TAS2R1: variants seen among roughly 807,000 people sequenced by gnomAD.
TAS2R1 encodes taste 2 receptor member 1, also known as taste receptor type 2 member 1.
For synonymous variants in TAS2R1, 141 were observed against 134.2 expected (o/e 1.05, Z -0.35); for missense variants, 370 against 353.4 (o/e 1.05, Z -0.38).
upstream of TAS2R1, chr5:9,630,430 G>A (rs1739853260): frequency 5.8e-6 from 1 of 172,288 alleles, no homozygotes; most frequent in African/African-American, 2.4e-5. Context: ...CTACAGGTGT[G>A]ATTCTACTTA....
chr5:9,900,707 G>A, the TAS2R1 span, among the ~76,000 whole-genome samples: 322 of 144,154 alleles, frequency 2.2e-3, 7 homozygotes, highest in East Asian at 0.064. Context: ...TGCAAGCTCC[G>A]CGTCCCGGGT....
chr5:9,771,318 C>G, the TAS2R1 span, among the ~76,000 whole-genome samples: 1 of 152,066 alleles, frequency 6.6e-6, no homozygotes, highest in Non-Finnish European at 1.5e-5. Context: ...ATGTATCACA[C>G]TGATTGATTT....
Position 9,629,484 on chromosome 5 carries a change from G to C in TAS2R1, c.549C>G (p.Phe183Leu). 5 of 1,614,204 alleles carry C rather than the reference G, an allele frequency of 3.1e-6. No individual in the cohort carries two copies. Among genetic ancestry groups the C allele is most frequent in the Non-Finnish European group, 4.2e-6 (5 of 1,180,036 alleles). Residue 183 changes from phenylalanine to leucine, a missense_variant, in exon 1 of 1, where the codon TTC becomes TTG. By Grantham distance (22) the Phe-to-Leu change is conservative. Transcript: ENST00000382492. The part of the protein sequence containing the change: ...AIQIFSFVAE[F>L]SVPLLIFLFA... ...AAAGGAAGATAAGCAATGGCACTGA[G>C]AACTCAGCAACAAAAGAGAAAATCT...
chr5:9,782,854 G>T, the TAS2R1 span, among the ~76,000 whole-genome samples: 1 of 152,094 alleles, frequency 6.6e-6, no homozygotes, highest in African/African-American at 2.4e-5. Flanking sequence ...AAAACCAATG[G>T]AGCAAAAGGA....
chr5:9,895,809 G>A, the TAS2R1 span, among the ~76,000 whole-genome samples: 2 of 152,142 alleles, frequency 1.3e-5, no homozygotes, highest in East Asian at 3.9e-4. Context: ...AATTCTAGAG[G>A]CATCAGTTGC....
chr5:9,890,025 C>G, the TAS2R1 span: 1 of 152,134 alleles, frequency 6.6e-6, no homozygotes, highest in Non-Finnish European at 1.5e-5. Flanking sequence ...AGATATAAAT[C>G]TACAAGACAA....
At chr5:9,692,417 C>T (rs1741263706) in intron 1 of TAS2R1, among the ~76,000 whole-genome samples, 1 of 152,208 alleles carries the variant, frequency 6.6e-6, no homozygotes, top group Non-Finnish European at 1.5e-5. Context: ...CACAGACGCT[C>T]CCCCAACAAA....
intron 1 of TAS2R1, among the ~76,000 whole-genome samples, chr5:9,696,868 C>T (rs548889167): frequency 6.6e-6 from 1 of 151,962 alleles, no homozygotes; most frequent in African/African-American, 2.4e-5. Flanking sequence ...ACAAAATTAG[C>T]CAGCCGTGGT....
upstream of TAS2R1, among the ~76,000 whole-genome samples, chr5:9,635,206 T>C (rs1416447951): frequency 6.6e-6 from 1 of 152,132 alleles, no homozygotes. Flanking sequence ...GAGATGATCA[T>C]ATGATTTTTG....
At chr5:9,851,522 T>G in the TAS2R1 span, among the ~76,000 whole-genome samples, 1 of 151,960 alleles carries the variant, frequency 6.6e-6, no homozygotes, top group East Asian at 1.9e-4. Flanking sequence ...GGATTTGTTT[T>G]TTTTTTTTTT....
the TAS2R1 span, among the ~76,000 whole-genome samples, chr5:9,746,957 C>T: frequency 6.6e-6 from 1 of 151,930 alleles, no homozygotes; most frequent in Non-Finnish European, 1.5e-5. Context: ...AAAGAAAACA[C>T]CCAGGGTAAG....
chr5:9,806,247 C>A, the TAS2R1 span, among the ~76,000 whole-genome samples: 1 of 151,890 alleles, frequency 6.6e-6, no homozygotes, highest in African/African-American at 2.4e-5. Context: ...TGAAAGAAAT[C>A]GTAGATAACA....
chr5:9,894,070 C>T, the TAS2R1 span, among the ~76,000 whole-genome samples: 1 of 152,140 alleles, frequency 6.6e-6, no homozygotes, highest in South Asian at 2.1e-4. Flanking sequence ...TGAGGTCTTT[C>T]CCATGGGCCC....
the TAS2R1 span, among the ~76,000 whole-genome samples, chr5:9,882,031 T>G: frequency 2.0e-5 from 3 of 152,154 alleles, no homozygotes; most frequent in Non-Finnish European, 4.4e-5. Flanking sequence ...ACTAAAGAGC[T>G]TCTGCACAGC....
chr5:9,893,547 AT>A, the TAS2R1 span, among the ~76,000 whole-genome samples: 1 of 152,038 alleles, frequency 6.6e-6, no homozygotes, highest in African/African-American at 2.4e-5. Context: ...CCACTTCAAA[AT>A]TTTTTTTAAG....
rs1307037597 is a variant in TAS2R1, at chr5:9,629,177, G to T, written c.856C>A (p.Gln286Lys). The T allele has an allele frequency of 1.3e-5, 21 of 1,583,948 alleles. No individual in the cohort carries two copies. The Admixed American group carries it at 2.1e-4, about 16-fold the overall frequency. The change falls in exon 1 of 1, where the codon CAA (glutamine) becomes AAA (lysine). Residue 286 changes from glutamine (Q) to lysine (K), a missense_variant. Physicochemically the swap from Gln to Lys is moderately conservative, Grantham distance 53. Coordinates refer to ENST00000382492, the MANE Select transcript of TAS2R1 (RefSeq NM_019599.3). ...ILILGNPKLK[Q>K]NAKKFLLHSK... ...TGGAGGAGGAACTTTTTTGCATTTTGTTTCAATTTAGGATTTCCTAAAATT... is the reference window on the plus strand; with the variant it reads ...TGGAGGAGGAACTTTTTTGCATTTTTTTTCAATTTAGGATTTCCTAAAATT...
the TAS2R1 span, among the ~76,000 whole-genome samples, chr5:9,826,244 C>T: frequency 6.6e-6 from 1 of 152,012 alleles, no homozygotes; most frequent in Non-Finnish European, 1.5e-5. Flanking sequence ...ATCCATAATT[C>T]ACTTGAAGCT....
At chr5:9,762,445 G>T in the TAS2R1 span, among the ~76,000 whole-genome samples, 2 of 152,210 alleles carry the variant, frequency 1.3e-5, no homozygotes, top group African/African-American at 4.8e-5. Context: ...AAGCTTCACA[G>T]CATTCCACAC....
intron 2 of TAS2R1, among the ~76,000 whole-genome samples, chr5:9,651,371 T>C (rs1463392455): frequency 6.6e-6 from 1 of 152,102 alleles, no homozygotes; most frequent in East Asian, 1.9e-4. Context: ...CGGGCTTGGG[T>C]TGGAGAGACA....
Sources: allele counts gnomAD v4.1 joint callset (sites outside exome capture counted in the v4.1 genomes callset), GRCh38; gene constraint gnomAD v4.1.1; transcripts MANE v1.5; gene names NCBI Gene and HGNC (gene_info 2026-07-23, HGNC 2026-07-21).